Variants in HDAC9 observed in about 807,000 individuals in gnomAD.
HDAC9 encodes the protein histone deacetylase 9, also known as MEF-2 interacting transcription repressor (MITR) protein.
In HDAC9, 41 loss-of-function variants were observed where a neutral mutation model predicts 139.4. The ratio of observed to expected loss-of-function variants is 0.29; its 90% CI spans 0.23 to 0.38. HDAC9 has a LOEUF of 0.38. Among genes scored for constraint, HDAC9 ranks in the 10% least tolerant of loss-of-function variants. HDAC9 has a pLI of 1.00. For synonymous variants in HDAC9, 517 were observed against 476.2 expected (o/e 1.09, Z -1.12); for missense variants, 1,147 against 1,297.0 (o/e 0.88, Z 1.78).
chr7:18,223,609 A>G (rs756383905), intron 2 of HDAC9, among the ~76,000 whole-genome samples: 9 of 151,934 alleles, frequency 5.9e-5, no homozygotes, highest in Non-Finnish European at 1.2e-4. Flanking sequence ...CAAACAAGAA[A>G]ATCTCCTGTA....
At chr7:18,273,577 C>G (rs1277803754) in intron 2 of HDAC9, among the ~76,000 whole-genome samples, 5 of 151,824 alleles carry the variant, frequency 3.3e-5, no homozygotes, top group Non-Finnish European at 7.4e-5. Context: ...AAAAGCAATT[C>G]CAGATAAATT....
chr7:18,479,868 AGTAGGCCT>A (rs1356462833), intron 1 of HDAC9, among the ~76,000 whole-genome samples: 2 of 151,922 alleles, frequency 1.3e-5, no homozygotes, highest in African/African-American at 4.8e-5. Flanking sequence ...GAAGTGTGAG[AGTAGGCCT>A]GTGTGTGCCA....
chr7:18,846,751 C>T (rs1393077234), intron 21 of HDAC9, among the ~76,000 whole-genome samples: 2 of 152,072 alleles, frequency 1.3e-5, no homozygotes, highest in African/African-American at 4.8e-5. Context: ...TCACTAGAGG[C>T]AGGGGGGCAA....
At chr7:18,733,477 A>T (rs999407927) in intron 13 of HDAC9, among the ~76,000 whole-genome samples, 2 of 151,346 alleles carry the variant, frequency 1.3e-5, no homozygotes, top group African/African-American at 4.8e-5. Flanking sequence ...ATATGCTTGA[A>T]ATTTCTTTCA....
upstream of HDAC9, among the ~76,000 whole-genome samples, chr7:18,491,850 T>C (rs1229674800): frequency 6.6e-6 from 1 of 151,846 alleles, no homozygotes; most frequent in Non-Finnish European, 1.5e-5. Context: ...GGGGAGATCT[T>C]CTTCACCTAA....
chr7:18,709,712 G>T (rs1248928819), intron 12 of HDAC9, among the ~76,000 whole-genome samples: 1 of 152,178 alleles, frequency 6.6e-6, no homozygotes, highest in Non-Finnish European at 1.5e-5. Context: ...TCAAATGGGA[G>T]AATTTAAGGG....
chr7:18,666,700 A>G, intron 12 of HDAC9: 6 of 1,304,894 alleles, frequency 4.6e-6, no homozygotes, highest in Non-Finnish European at 5.9e-6. Flanking sequence ...TTTCATTGAA[A>G]ATCCACTGGT....
intron 1 of HDAC9, among the ~76,000 whole-genome samples, chr7:18,353,585 A>G (rs1235114909): frequency 1.3e-5 from 2 of 152,164 alleles, no homozygotes; most frequent in Admixed American, 1.3e-4. Flanking sequence ...CTGAGTGCAA[A>G]TGAATCCTCT....
At chr7:18,657,103 CT>C (rs1329800463) in intron 11 of HDAC9, among the ~76,000 whole-genome samples, 6 of 152,018 alleles carry the variant, frequency 3.9e-5, no homozygotes, top group Admixed American at 6.6e-5. Flanking sequence ...GTCCATTCAT[CT>C]TTTGTCCGTT....
chr7:18,755,691 A>G (rs890785226), intron 14 of HDAC9, among the ~76,000 whole-genome samples: 12 of 152,114 alleles, frequency 7.9e-5, no homozygotes, highest in Admixed American at 3.3e-4. Context: ...GATTTGAAAT[A>G]GGTGGAAGTA....
At chr7:18,339,468 A>G (rs938628393) in intron 1 of HDAC9, among the ~76,000 whole-genome samples, 5 of 151,350 alleles carry the variant, frequency 3.3e-5, no homozygotes, top group East Asian at 3.9e-4. Flanking sequence ...TTTCATTTTC[A>G]TTGTTTAAAA....
At chr7:18,408,883 CA>C (rs1480610690) in intron 1 of HDAC9, among the ~76,000 whole-genome samples, 2 of 152,136 alleles carry the variant, frequency 1.3e-5, no homozygotes, top group African/African-American at 4.8e-5. Flanking sequence ...TACAGCACAA[CA>C]TTAGAAAAGG....
At chr7:18,736,048 T>C (rs1382393204) in intron 13 of HDAC9, among the ~76,000 whole-genome samples, 1 of 152,242 alleles carries the variant, frequency 6.6e-6, no homozygotes, top group Non-Finnish European at 1.5e-5. Flanking sequence ...CTGTTATTGG[T>C]ATACAGGAAT....
At chr7:18,666,143 A>G (rs1221966704) in intron 11 of HDAC9, 70 bp from the exon 12 acceptor site, 9 of 1,441,578 alleles carry the variant, frequency 6.2e-6, no homozygotes, top group Non-Finnish European at 8.5e-6. Flanking sequence ...ATTAGAAATC[A>G]AAGTGTAATT....
chr7:18,958,920 G>A lies in HDAC9; in HGVS notation c.3022+4690G>A, dbSNP rs930575911. On this transcript the variant is annotated intron_variant, in intron 24 of 25. Coordinates refer to ENST00000686413, the MANE Select transcript of HDAC9 (RefSeq NM_178425.4). ...TATTTTTGTGAGTTGCCATTTCCAC[G>A]GGTAAGCTTGGGGTGACAATTCTCA... is the stretch of plus-strand genomic sequence containing the variant. 8.5e-5 allele frequency among the ~76,000 whole-genome samples: 13 copies of A among 152,088 alleles called. 1 individual carries two copies. The highest frequency in any genetic ancestry group is 8.5e-4 in the Admixed American group (13 of 15,264).
intron 22 of HDAC9, among the ~76,000 whole-genome samples, chr7:18,884,517 C>G (rs745464110): frequency 6.6e-6 from 1 of 152,050 alleles, no homozygotes; most frequent in Non-Finnish European, 1.5e-5. Context: ...ATTAGACCCT[C>G]GTCTTATACC....
chr7:18,925,198 A>G (rs1034586328), intron 22 of HDAC9, among the ~76,000 whole-genome samples: 9 of 152,148 alleles, frequency 5.9e-5, no homozygotes, highest in Admixed American at 2.6e-4. Flanking sequence ...TTGCACTTCA[A>G]TATTACTTGG....
chr7:18,872,687 A>G, intron 21 of HDAC9, among the ~76,000 whole-genome samples: 1 of 152,118 alleles, frequency 6.6e-6, no homozygotes, highest in African/African-American at 2.4e-5. Flanking sequence ...TATGTGGGCA[A>G]TCTTGTCTCC....
intron 21 of HDAC9, among the ~76,000 whole-genome samples, chr7:18,854,887 C>G (rs556037318): frequency 5.1e-4 from 78 of 152,158 alleles, no homozygotes; most frequent in African/African-American, 1.8e-3. Flanking sequence ...ATTTTGACAG[C>G]GTACTTAAAC....
Sources: allele counts gnomAD v4.1 joint callset (sites outside exome capture counted in the v4.1 genomes callset), GRCh38; gene constraint gnomAD v4.1.1; transcripts MANE v1.5; gene names NCBI Gene and HGNC (gene_info 2026-07-23, HGNC 2026-07-21).